TTC13: variants seen among roughly 807,000 people sequenced by gnomAD.
TTC13 encodes tetratricopeptide repeat protein 13.
Under a neutral mutation model 120.0 loss-of-function variants are expected in TTC13, and 62 were observed. The ratio of observed to expected loss-of-function variants is 0.52; its 90% CI spans 0.42 to 0.64. The LOEUF (loss-of-function observed/expected upper bound fraction) is 0.64. Ranked by LOEUF, TTC13 falls within the 30% of genes least tolerant of loss-of-function variation. TTC13 has a pLI of 0.00. For synonymous variants in TTC13, 384 were observed against 393.5 expected (o/e 0.98, Z 0.28); for missense variants, 824 against 1,050.2 (o/e 0.78, Z 2.98).
chr1:230,943,925 G>C, intron 5 of TTC13, 27 bp from the exon 6 acceptor site: 2 of 1,520,424 alleles, frequency 1.3e-6, no homozygotes, highest in Non-Finnish European at 1.8e-6. Context: ...CTTAGTATGA[G>C]ACATACTGTT....
chr1:230,946,986 C>T (rs757032466), intron 4 of TTC13, among the ~76,000 whole-genome samples: 6 of 152,046 alleles, frequency 3.9e-5, no homozygotes, highest in Non-Finnish European at 7.4e-5. Context: ...CTCCAAAATG[C>T]TACCAGGAAT....
chr1:230,971,294 C>T lies in TTC13; in HGVS notation c.271+7266G>A, dbSNP rs371410245. 2.6e-4 allele frequency among the ~76,000 whole-genome samples: 35 copies of T among 133,870 alleles called. No homozygotes were observed. The East Asian group carries it at 4.7e-3, about 18-fold the overall frequency. The allele number at this position is 133,870 out of a possible 152,430, so 87.8% of individuals were successfully genotyped here. ...CCAGGAGGCAGAGCTTGCAGTGAGC[C>T]GAGATTGCACCACTGCACTCCAGCC... On this transcript the variant is annotated intron_variant, in intron 1 of 22. Transcript: ENST00000366661.
chr1:230,943,006 T>A lies in TTC13; in HGVS notation c.672+800A>T, dbSNP rs550353884. On this transcript the variant is annotated intron_variant, in intron 6 of 22. Transcript: ENST00000366661. ...CATCCTCACTTGATCTATGTATCCA[T>A]GCACCTAGGTCTATATCATAAGAAT... Among the ~76,000 whole-genome samples the A allele has an allele frequency of 4.1e-4, 63 of 152,356 alleles. 2 individuals are homozygous for A. The highest frequency in any genetic ancestry group is 1.4e-3 in the African/African-American group (59 of 41,580).
At chr1:230,972,677 T>G (rs554580583) in intron 1 of TTC13, among the ~76,000 whole-genome samples, 18 of 152,208 alleles carry the variant, frequency 1.2e-4, no homozygotes, top group Non-Finnish European at 2.6e-4. Flanking sequence ...AGTCACACCA[T>G]TTTTGCCTCC....
intron 12 of TTC13, among the ~76,000 whole-genome samples, chr1:230,926,904 C>G (rs964098265): frequency 6.6e-6 from 1 of 152,138 alleles, no homozygotes; most frequent in Non-Finnish European, 1.5e-5. Flanking sequence ...TCCTGACTCA[C>G]GTACCTTTTT....
intron 8 of TTC13, among the ~76,000 whole-genome samples, chr1:230,936,914 A>G (rs1035086024): frequency 6.6e-6 from 1 of 152,208 alleles, no homozygotes; most frequent in Non-Finnish European, 1.5e-5. Context: ...CACTCCTTCT[A>G]TACCTCATGG....
intron 12 of TTC13, 83 bp downstream of exon 12, chr1:230,928,854 C>T: frequency 6.9e-7 from 1 of 1,442,956 alleles, no homozygotes; most frequent in Non-Finnish European, 9.6e-7. Context: ...TCCCAAGTAG[C>T]AGGGAGTAGC....
At chr1:230,923,634 A>G (rs985013450) in intron 15 of TTC13, among the ~76,000 whole-genome samples, 13 of 152,190 alleles carry the variant, frequency 8.5e-5, no homozygotes, top group African/African-American at 3.1e-4. Flanking sequence ...GGCCTGGGGA[A>G]GGAGTATGGC....
chr1:230,966,486 G>T (rs1478824180), intron 1 of TTC13, among the ~76,000 whole-genome samples: 3 of 152,116 alleles, frequency 2.0e-5, no homozygotes, highest in African/African-American at 7.2e-5. Flanking sequence ...ATTTACATGT[G>T]ATTTTTTAAA....
Position 230,954,400 on chromosome 1 carries a change from A to T in TTC13, c.446T>A (p.Ile149Asn). 1 of 1,609,014 alleles carries T rather than the reference A, an allele frequency of 6.2e-7. No individual in the cohort carries two copies. The highest frequency in any genetic ancestry group is 8.5e-7 in the Non-Finnish European group (1 of 1,176,612). ...ACCACTGCCAATCAAGACATAAGCA[A>T]TAGCTATGAAACAAAATACAAAAAT... is the stretch of plus-strand genomic sequence containing the variant. ...DNDSTNEELAIAYVLIGSGLY... is the reference protein window; with the variant it reads ...DNDSTNEELANAYVLIGSGLY... The change falls in exon 4 of 23, where the codon ATT becomes AAT. Residue 149 changes from isoleucine (I) to asparagine (N), a missense_variant. By Grantham distance (149) the Ile-to-Asn change is moderately radical (BLOSUM62 -3). Around this residue, in one of 4 missense-constraint regions of TTC13, gnomAD observed 430 missense variants for 626.8 expected, o/e 0.69. Transcript: ENST00000366661.
intron 1 of TTC13, among the ~76,000 whole-genome samples, chr1:230,971,634 A>G (rs1677763733): frequency 6.6e-6 from 1 of 152,182 alleles, no homozygotes; most frequent in Non-Finnish European, 1.5e-5. Context: ...CATCTTAAAG[A>G]GACAGAAGTT....
At chr1:230,949,770 T>C (rs921883151) in intron 4 of TTC13, among the ~76,000 whole-genome samples, 9 of 152,178 alleles carry the variant, frequency 5.9e-5, no homozygotes, top group South Asian at 2.1e-4. Flanking sequence ...CTCAGCCTCC[T>C]GAGTAGCTGG....
chr1:230,937,080 A>G (rs1414851720), intron 8 of TTC13, among the ~76,000 whole-genome samples: 1 of 152,238 alleles, frequency 6.6e-6, no homozygotes, highest in Non-Finnish European at 1.5e-5. Flanking sequence ...ATAACTTGGT[A>G]GGACTAGTTT....
chr1:230,942,956 A>C lies in TTC13; in HGVS notation c.672+850T>G, dbSNP rs1674649023. ...CCACATATTATCTGTCTCTATGTCA[A>C]GTTCCTTTAAGATGTGGCTGTCATC... On this transcript the variant is annotated intron_variant, in intron 6 of 22. Transcript: ENST00000366661. The surrounding 1 kb of genome is among the most constrained non-coding windows in gnomAD (Gnocchi z 4.0). 6.6e-6 allele frequency among the ~76,000 whole-genome samples: 1 copy of C among 152,178 alleles called. No homozygotes were observed. Among genetic ancestry groups the C allele is most frequent in the Non-Finnish European group, 1.5e-5 (1 of 68,034 alleles).
chr1:230,954,545 T>A, intron 3 of TTC13, 142 bp from the exon 4 acceptor site: 1 of 576,012 alleles, frequency 1.7e-6, no homozygotes. Context: ...TAATAAGGTG[T>A]CACTGAATTC....
In TTC13 at chr1:230,943,817, G is replaced by A; in HGVS notation, c.661C>T (p.Gln221Ter). 1.2e-6 allele frequency: 2 copies of A among 1,607,762 alleles called. No individual in the cohort carries two copies. Among genetic ancestry groups the A allele is most frequent in the South Asian group, 1.1e-5 (1 of 90,254 alleles). The change falls in exon 6 of 23, where the codon CAG becomes TAG. Residue 221 changes from glutamine to a stop codon, truncating the protein, a stop_gained. Transcript: ENST00000366661. LOFTEE classifies it high-confidence loss of function. ...LEPDRPEVFEQRAEILSPLGR... is the reference protein window; with the variant it reads ...LEPDRPEVFE ...AAAGCCACACTCACTTCTGCTCGCT[G>A]CTCAAATACCTCTGGACGATCTGGT... is the stretch of plus-strand genomic sequence containing the variant.
intron 5 of TTC13, 59 bp from the exon 6 acceptor site, chr1:230,943,957 A>T (rs997523065): frequency 2.4e-6 from 3 of 1,244,694 alleles, no homozygotes; most frequent in Non-Finnish European, 3.4e-6. Flanking sequence ...GGCTGAAAAA[A>T]TTTTCTGAGA....
intron 6 of TTC13, 118 bp downstream of exon 6, chr1:230,943,688 T>C (rs1674726803): frequency 1.4e-6 from 1 of 732,210 alleles, no homozygotes; most frequent in Non-Finnish European, 2.2e-6. Context: ...AGTACCGACA[T>C]AGAAAAACAT....
intron 4 of TTC13, 136 bp downstream of exon 4, chr1:230,954,197 C>T: frequency 1.8e-6 from 1 of 547,508 alleles, no homozygotes; most frequent in African/African-American, 1.9e-5. Flanking sequence ...CAAGAAAGTG[C>T]TCAGTCCATA....
Sources: allele counts gnomAD v4.1 joint callset (sites outside exome capture counted in the v4.1 genomes callset), GRCh38; gene constraint gnomAD v4.1.1; regional missense constraint gnomAD v4.1.1; non-coding constraint Gnocchi (gnomAD v3.1); transcripts MANE v1.5; gene names NCBI Gene and HGNC (gene_info 2026-07-23, HGNC 2026-07-21).